Variants in GRM8 observed in about 807,000 individuals in gnomAD.
GRM8 encodes the protein glutamate metabotropic receptor 8.
A neutral mutation model predicts 87.2 loss-of-function variants in GRM8; 47 were observed. The observed-to-expected ratio is 0.54, with a 90% CI of 0.43 to 0.69. The LOEUF (loss-of-function observed/expected upper bound fraction) is 0.69. Ranked by LOEUF, GRM8 falls within the 30% of genes least tolerant of loss-of-function variation. The probability of loss-of-function intolerance (pLI) is 0.00; values close to 1 mark genes in which losing one functional copy is unlikely to be tolerated. For missense variants in GRM8, 1,019 were observed against 1,139.2 expected (o/e 0.89, Z 1.52); for synonymous variants, 396 against 404.5 (o/e 0.98, Z 0.25).
intron 6 of GRM8, among the ~76,000 whole-genome samples, chr7:126,866,587 T>C (rs1798613111): frequency 7.8e-6 from 1 of 127,424 alleles, no homozygotes. Flanking sequence ...TCAATTTTTT[T>C]TTTTTTTTTT....
At chr7:126,664,864 A>G (rs971231043) in intron 7 of GRM8, among the ~76,000 whole-genome samples, 32 of 152,242 alleles carry the variant, frequency 2.1e-4, no homozygotes, top group Non-Finnish European at 8.8e-5. Context: ...CAAACTATGC[A>G]TCCAACAAAG....
chr7:126,943,494 T>G (rs1807196285), intron 3 of GRM8, among the ~76,000 whole-genome samples: 1 of 152,206 alleles, frequency 6.6e-6, no homozygotes, highest in Non-Finnish European at 1.5e-5. Context: ...AAGGGTAAGA[T>G]CAAAGGCTGG....
intron 7 of GRM8, among the ~76,000 whole-genome samples, chr7:126,761,001 A>C (rs1243990348): frequency 6.6e-6 from 1 of 152,166 alleles, no homozygotes; most frequent in Non-Finnish European, 1.5e-5. Flanking sequence ...GTTTGAGACC[A>C]GCCTAGGCAA....
chr7:126,775,490 T>TTG (rs1365712258), intron 6 of GRM8, among the ~76,000 whole-genome samples: 7 of 148,922 alleles, frequency 4.7e-5, no homozygotes, highest in African/African-American at 1.8e-4. Flanking sequence ...TTTTTTTTTT[T>TTG]TTTTTTTTTT....
chr7:126,467,196 C>G (rs968929332), intron 9 of GRM8, among the ~76,000 whole-genome samples: 3 of 151,462 alleles, frequency 2.0e-5, no homozygotes, highest in Admixed American at 6.6e-5. Flanking sequence ...TCCCTGTGCC[C>G]ATATGTTCTC....
At chr7:127,196,149 G>T (rs922176379) in intron 2 of GRM8, among the ~76,000 whole-genome samples, 1 of 152,110 alleles carries the variant, frequency 6.6e-6, no homozygotes, top group African/African-American at 2.4e-5. Flanking sequence ...AGTTTGGGGG[G>T]ATTCCTATAC....
rs879382825 is a variant in GRM8, at chr7:126,802,535, TA to T, written c.1157-32471del. Among the ~76,000 whole-genome samples, 277 of 151,076 alleles carry T rather than the reference TA, an allele frequency of 1.8e-3. 1 individual carries two copies. The highest frequency in any genetic ancestry group is 3.4e-3 in the Middle Eastern group (1 of 294). On this transcript the variant is annotated intron_variant, in intron 6 of 10. Transcript: ENST00000339582. ...TACACAAGGGAATGATATTCAGCCT[TA>T]AAAAAAAAGGAGCTCCTGTCATTTG... is the stretch of plus-strand genomic sequence containing the variant.
intron 3 of GRM8, among the ~76,000 whole-genome samples, chr7:127,014,296 C>G (rs17868673): frequency 6.6e-6 from 1 of 152,092 alleles, no homozygotes; most frequent in Admixed American, 6.5e-5. Context: ...TAACCATGAC[C>G]AAGACTTTAA....
intron 2 of GRM8, among the ~76,000 whole-genome samples, chr7:127,197,975 G>T (rs573492259): frequency 4.9e-4 from 74 of 151,794 alleles, no homozygotes; most frequent in African/African-American, 1.8e-3. Flanking sequence ...TTGCTTTCTA[G>T]ATGTGGAATC....
intron 6 of GRM8, among the ~76,000 whole-genome samples, chr7:126,878,668 C>T (rs1204533): frequency 0.28 from 42,117 of 151,546 alleles, 7,814 homozygotes; most frequent in East Asian, 0.57. Context: ...TATGGGCACC[C>T]GCCATCATGC....
chr7:127,038,364 AAAGT>A (rs1350367722), intron 3 of GRM8, among the ~76,000 whole-genome samples: 1 of 152,216 alleles, frequency 6.6e-6, no homozygotes, highest in East Asian at 1.9e-4. Context: ...AGGATGGGCC[AAAGT>A]AAGAAAACAA....
chr7:127,177,937 C>G (rs757326917), intron 2 of GRM8, among the ~76,000 whole-genome samples: 1 of 152,144 alleles, frequency 6.6e-6, no homozygotes, highest in African/African-American at 2.4e-5. Flanking sequence ...GACAATACAA[C>G]GCTCTTCAAC....
At chr7:126,901,220 A>G (rs1042811896) in intron 6 of GRM8, among the ~76,000 whole-genome samples, 10 of 152,142 alleles carry the variant, frequency 6.6e-5, no homozygotes, top group African/African-American at 2.4e-4. Flanking sequence ...TCATATCTTT[A>G]CATGACTGAC....
At chr7:127,151,828 T>C (rs1026456404) in intron 2 of GRM8, among the ~76,000 whole-genome samples, 1 of 152,096 alleles carries the variant, frequency 6.6e-6, no homozygotes, top group African/African-American at 2.4e-5. Flanking sequence ...AAGCTAGATG[T>C]TACACTTTTC....
At chr7:126,877,988 G>T (rs753216635) in intron 6 of GRM8, among the ~76,000 whole-genome samples, 2 of 152,092 alleles carry the variant, frequency 1.3e-5, no homozygotes, top group Non-Finnish European at 2.9e-5. Flanking sequence ...GATTTACAAT[G>T]ATGAAACATT....
At chr7:127,176,425 G>T (rs1794111744) in intron 2 of GRM8, among the ~76,000 whole-genome samples, 1 of 152,146 alleles carries the variant, frequency 6.6e-6, no homozygotes, top group Admixed American at 6.5e-5. Flanking sequence ...CCAAATATAT[G>T]TTGCCTACCA....
intron 9 of GRM8, among the ~76,000 whole-genome samples, chr7:126,506,788 A>G (rs1250552202): frequency 6.6e-6 from 1 of 152,070 alleles, no homozygotes; most frequent in African/African-American, 2.4e-5. Context: ...CAAAAGAAAA[A>G]AAAAAGAAAA....
chr7:126,974,901 G>A (rs1305240136), intron 3 of GRM8, among the ~76,000 whole-genome samples: 1 of 127,042 alleles, frequency 7.9e-6, no homozygotes, highest in East Asian at 2.5e-4. Flanking sequence ...GCGCCACTGC[G>A]CTCCAGCCTG....
chr7:126,989,642 CA>C (rs146139816), intron 3 of GRM8, among the ~76,000 whole-genome samples: 1 of 150,450 alleles, frequency 6.6e-6, no homozygotes, highest in East Asian at 1.9e-4. Context: ...TATAGCACTG[CA>C]AAAATGGGCT....
Sources: allele counts gnomAD v4.1 joint callset (sites outside exome capture counted in the v4.1 genomes callset), GRCh38; gene constraint gnomAD v4.1.1; transcripts MANE v1.5; gene names NCBI Gene and HGNC (gene_info 2026-07-23, HGNC 2026-07-21).